The following ENOX1 variants were observed in gnomAD, a reference collection of about 807,000 sequenced individuals.
ENOX1 encodes the protein candidate growth-related and time keeping constitutive hydroquinone (NADH) oxidase.
ENOX1 carries 42 observed loss-of-function variants against 82.5 expected under a neutral mutation model. The observed-to-expected ratio is 0.51, with a 90% CI of 0.40 to 0.66. The LOEUF (loss-of-function observed/expected upper bound fraction) is 0.66. Among genes scored for constraint, ENOX1 ranks in the 30% least tolerant of loss-of-function variants. ENOX1 has a pLI of 0.00. For missense variants in ENOX1, 608 were observed against 811.6 expected (o/e 0.75, Z 3.05); for synonymous variants, 271 against 282.2 (o/e 0.96, Z 0.40).
At chr13:43,337,341 A>AT (rs758116506) in intron 9 of ENOX1, among the ~76,000 whole-genome samples, 2 of 152,244 alleles carry the variant, frequency 1.3e-5, no homozygotes, top group Non-Finnish European at 1.5e-5. Flanking sequence ...TTAGCCTAAA[A>AT]TCTTGCTAGA....
intron 10 of ENOX1, among the ~76,000 whole-genome samples, chr13:43,324,384 C>G (rs1484082647): frequency 6.6e-6 from 1 of 152,070 alleles, no homozygotes; most frequent in Non-Finnish European, 1.5e-5. Context: ...AGGGTGTTTC[C>G]ACAGGGTGCC....
rs191125954 is a variant in ENOX1, at chr13:43,705,916, T to C, written c.-284-38372A>G. ...AATATTTAATGAGACAGACTATATA[T>C]TGGAATAAAAAACATCTTAATAAAT... On this transcript the variant is annotated intron_variant, in intron 1 of 16. Coordinates refer to ENST00000690772, the MANE Select transcript of ENOX1 (RefSeq NM_001347969.2). 3.3e-5 allele frequency among the ~76,000 whole-genome samples: 5 copies of C among 152,138 alleles called. No homozygotes were observed. In the East Asian group the frequency reaches 9.6e-4, roughly 29 times the overall value.
chr13:43,624,113 C>T (rs901297411), intron 2 of ENOX1, among the ~76,000 whole-genome samples: 2 of 152,138 alleles, frequency 1.3e-5, no homozygotes, highest in Admixed American at 1.3e-4. Flanking sequence ...TTTTATTTTA[C>T]TTATTCTGAT....
intron 2 of ENOX1, among the ~76,000 whole-genome samples, chr13:43,603,372 A>T (rs1358634865): frequency 8.6e-6 from 1 of 115,642 alleles, no homozygotes; most frequent in East Asian, 5.4e-4. Flanking sequence ...CCTTTTATTT[A>T]TTTTATTTAT....
intron 2 of ENOX1, among the ~76,000 whole-genome samples, chr13:43,553,809 G>A (rs959238771): frequency 3.3e-5 from 5 of 152,064 alleles, no homozygotes; most frequent in African/African-American, 9.7e-5. Context: ...GTGCAGCTGC[G>A]CGATCTCCGC....
At chr13:43,255,871 C>A (rs904564897) in intron 14 of ENOX1, among the ~76,000 whole-genome samples, 1 of 152,066 alleles carries the variant, frequency 6.6e-6, no homozygotes, top group Non-Finnish European at 1.5e-5. Flanking sequence ...TCAATGCAAT[C>A]GCTATCAAGA....
chr13:43,472,451 A>G (rs973852785), intron 3 of ENOX1, among the ~76,000 whole-genome samples: 1 of 152,208 alleles, frequency 6.6e-6, no homozygotes, highest in East Asian at 1.9e-4. Context: ...AAAAAACCCC[A>G]TAAGGCATAT....
chr13:43,304,608 C>A (rs534555305), intron 11 of ENOX1, among the ~76,000 whole-genome samples: 1 of 152,240 alleles, frequency 6.6e-6, no homozygotes, highest in South Asian at 2.1e-4. Context: ...AGAGGATGAT[C>A]CTGTTTTAAA....
intron 5 of ENOX1, chr13:43,394,940 A>G (rs2053047131): frequency 6.6e-6 from 1 of 152,154 alleles, no homozygotes; most frequent in African/African-American, 2.4e-5. Flanking sequence ...TTCTTCACAT[A>G]TGAATTGGTG....
At chr13:43,339,874 A>G (rs767104261) in intron 9 of ENOX1, among the ~76,000 whole-genome samples, 18 of 152,252 alleles carry the variant, frequency 1.2e-4, no homozygotes, top group Non-Finnish European at 2.2e-4. Flanking sequence ...TTTGCCAGGA[A>G]TATTAATGCA....
At chr13:43,709,140 T>G (rs2087516855) in intron 1 of ENOX1, among the ~76,000 whole-genome samples, 1 of 151,988 alleles carries the variant, frequency 6.6e-6, no homozygotes, top group Non-Finnish European at 1.5e-5. Context: ...AATAGAACCT[T>G]GAGAAATGAA....
At chr13:43,676,520 G>A (rs756045291) in intron 1 of ENOX1, among the ~76,000 whole-genome samples, 2 of 152,180 alleles carry the variant, frequency 1.3e-5, no homozygotes, top group Non-Finnish European at 1.5e-5. Flanking sequence ...CCGCCTCTAT[G>A]TTTGTCCCTG....
intron 1 of ENOX1, among the ~76,000 whole-genome samples, chr13:43,742,757 G>A (rs1291772149): frequency 6.6e-6 from 1 of 152,198 alleles, no homozygotes; most frequent in Non-Finnish European, 1.5e-5. Flanking sequence ...AATTCTGGAT[G>A]TTTTGGAAGT....
intron 2 of ENOX1, among the ~76,000 whole-genome samples, chr13:43,624,173 C>G (rs567139486): frequency 6.6e-6 from 1 of 152,250 alleles, no homozygotes; most frequent in African/African-American, 2.4e-5. Context: ...CTTGTAATGA[C>G]TAATGATGTT....
chr13:43,525,378 C>T (rs900284954), intron 2 of ENOX1, among the ~76,000 whole-genome samples: 7 of 152,128 alleles, frequency 4.6e-5, no homozygotes, highest in Non-Finnish European at 1.0e-4. Flanking sequence ...TCATTATATG[C>T]AAAACTTGAA....
chr13:43,304,476 G>A (rs1468225876), intron 11 of ENOX1, among the ~76,000 whole-genome samples: 2 of 152,164 alleles, frequency 1.3e-5, no homozygotes, highest in Admixed American at 6.5e-5. Context: ...CCATCCCAGA[G>A]AAAGGAGTAA....
At chr13:43,755,432 G>A (rs567014529) in intron 1 of ENOX1, among the ~76,000 whole-genome samples, 1 of 152,136 alleles carries the variant, frequency 6.6e-6, no homozygotes, top group Non-Finnish European at 1.5e-5. Context: ...GCTTTGTTCA[G>A]GGGCTCATGT....
At chr13:43,504,171 TAAC>T (rs1158215873) in intron 2 of ENOX1, among the ~76,000 whole-genome samples, 1 of 151,700 alleles carries the variant, frequency 6.6e-6, no homozygotes, top group African/African-American at 2.4e-5. Flanking sequence ...AATAAAAAGA[TAAC>T]AAATGTTGGT....
chr13:43,255,741 A>G (rs1446472716), intron 14 of ENOX1, among the ~76,000 whole-genome samples: 1 of 152,188 alleles, frequency 6.6e-6, no homozygotes, highest in Non-Finnish European at 1.5e-5. Context: ...CTAGACAATT[A>G]TGAAAGACTG....
Sources: gnomAD v4.1 joint callset for allele counts (sites outside exome capture counted in the v4.1 genomes callset) on GRCh38, gnomAD v4.1.1 for gene constraint, MANE v1.5 for transcripts, NCBI Gene and HGNC (gene_info 2026-07-23, HGNC 2026-07-21) for gene names.